ACR: variants seen among roughly 807,000 people sequenced by gnomAD.
ACR encodes the protein acrosin.
Under a neutral mutation model 26.0 loss-of-function variants are expected in ACR, and 17 were observed. The ratio of observed to expected loss-of-function variants is 0.65; its 90% CI spans 0.45 to 0.98. ACR has a LOEUF of 0.98. Ranked by LOEUF, ACR falls within the 50% of genes least tolerant of loss-of-function variation. The pLI is 0.00. For synonymous variants in ACR, 199 were observed against 207.7 expected, an observed-to-expected ratio of 0.96 and a Z score of 0.36; for missense variants, 435 against 519.3, an observed-to-expected ratio of 0.84 and a Z score of 1.58.
Position 50,739,564 on chromosome 22 carries a change from G to C in ACR, c.281+90G>C, listed in dbSNP as rs975609850. 1.1e-5 allele frequency: 17 copies of C among 1,579,984 alleles called. No homozygotes were observed. Among genetic ancestry groups the C allele is most frequent in the Non-Finnish European group, 1.5e-5 (17 of 1,157,436 alleles). ...GGGGATGCTGTGCAGCGTCTCCCTG[G>C]GGCTCTGGGCCAAGTGGCTGCAAGA... is the stretch of plus-strand genomic sequence containing the variant. On this transcript the variant is annotated intron_variant, in intron 2 of 4. Coordinates refer to ENST00000216139, the MANE Select transcript of ACR (RefSeq NM_001097.3). This position sits in a 1 kb window ranked among gnomAD's most constrained non-coding sequence, Gnocchi z 5.5.
chr22:50,743,134 C>G (rs2083433132), intron 3 of ACR, among the ~76,000 whole-genome samples: 1 of 150,968 alleles, frequency 6.6e-6, no homozygotes, highest in Non-Finnish European at 1.5e-5. Flanking sequence ...CTCCCGGGTT[C>G]ACGCCATTCT....
rs772863293 is a variant in ACR at position 50,744,730 on chromosome 22, G to A, written c.789G>A (p.Gly263=). The change falls in exon 5 of 5, where the codon GGG becomes GGA. Residue 263 remains glycine (G), a synonymous_variant. Transcript: ENST00000216139. ...AYVVVGITSW[G]VGCARAKRPG... ...TGGTCGTGGGAATCACAAGCTGGGG[G>A]GTAGGCTGTGCCCGTGCCAAGCGCC... The A allele has an allele frequency of 3.4e-5, 55 of 1,613,220 alleles. No homozygotes were observed. Among genetic ancestry groups the A allele is most frequent in the Middle Eastern group, 3.3e-4 (2 of 6,076 alleles).
intron 3 of ACR, among the ~76,000 whole-genome samples, chr22:50,741,599 A>T (rs1227331759): frequency 1.3e-5 from 2 of 151,830 alleles, no homozygotes; most frequent in African/African-American, 4.8e-5. Flanking sequence ...ACCTAATAGG[A>T]TCACTCTGTT....
rs1188568782 is a variant in ACR at position 50,739,939 on chromosome 22, G to A, written c.527G>A (p.Ser176Asn). 6.2e-7 allele frequency: 1 copy of A among 1,613,916 alleles called. No individual in the cohort carries two copies. Among genetic ancestry groups the A allele is most frequent in the Non-Finnish European group, 8.5e-7 (1 of 1,180,034 alleles). ...FKAGLPRGSQ[S>N]CWVAGWGYIE... ...GCAGGCCTCCCCAGAGGCTCCCAGA[G>A]CTGCTGGGTGGCCGGCTGGGGATAT... Residue 176 changes from serine to asparagine, a missense_variant, in exon 3 of 5, where the codon AGC (serine) becomes AAC (asparagine). Coordinates refer to ENST00000216139, the MANE Select transcript of ACR (RefSeq NM_001097.3). The surrounding 1 kb of genome is among the most constrained non-coding windows in gnomAD (Gnocchi z 5.5).
rs965107563 is a variant in ACR, at chr22:50,739,554, C to T, written c.281+80C>T. 2.3e-5 allele frequency: 37 copies of T among 1,586,390 alleles called. No homozygotes were observed. The South Asian group carries it at 2.9e-4, about 13-fold the overall frequency. Reference sequence around the variant, plus strand: ...GGCGTTCCCCGGGGATGCTGTGCAGCGTCTCCCTGGGGCTCTGGGCCAAGT... The same window carrying T: ...GGCGTTCCCCGGGGATGCTGTGCAGTGTCTCCCTGGGGCTCTGGGCCAAGT... On this transcript the variant is annotated intron_variant, in intron 2 of 4. Transcript: ENST00000216139. The surrounding 1 kb of genome is among the most constrained non-coding windows in gnomAD (Gnocchi z 5.5).
chr22:50,738,758 C>T (rs1017582047), intron 1 of ACR, among the ~76,000 whole-genome samples: 1 of 152,028 alleles, frequency 6.6e-6, no homozygotes, highest in Non-Finnish European at 1.5e-5. Flanking sequence ...TGACACAGTT[C>T]CCAGAGCCTC....
chr22:50,745,099 G>C lies in ACR; in HGVS notation c.1158G>C (p.Lys386Asn). ...TTCCCCAAGGACTTTCTTTTGCCAAGCGCCTACAGCAGCTCATAGAGGTCT... is the reference window on the plus strand; with the variant it reads ...TTCCCCAAGGACTTTCTTTTGCCAACCGCCTACAGCAGCTCATAGAGGTCT... ...TKLPQGLSFA[K>N]RLQQLIEVLK... The change falls in exon 5 of 5, where the codon AAG (lysine) becomes AAC (asparagine). Residue 386 changes from lysine (K) to asparagine (N), a missense_variant. By Grantham distance (94) the Lys-to-Asn change is moderately conservative. Transcript: ENST00000216139. 2 of 709,356 alleles carry C rather than the reference G, an allele frequency of 2.8e-6. No homozygotes were observed. Among genetic ancestry groups the C allele is most frequent in the Non-Finnish European group, 4.3e-6 (2 of 465,032 alleles). The allele number at this position is 709,356 out of a possible 1,614,324, so 43.9% of individuals were successfully genotyped here. A position where few individuals can be genotyped will look rare whatever the true frequency, so the allele number is the denominator to read the frequency against.
intron 3 of ACR, among the ~76,000 whole-genome samples, chr22:50,741,609 T>C (rs2083425025): frequency 6.6e-6 from 1 of 152,014 alleles, no homozygotes; most frequent in Non-Finnish European, 1.5e-5. Flanking sequence ...ATCACTCTGT[T>C]TCTGTTTGGG....
chr22:50,743,184 C>T (rs539010650), intron 3 of ACR, among the ~76,000 whole-genome samples: 90 of 149,762 alleles, frequency 6.0e-4, no homozygotes, highest in Middle Eastern at 3.4e-3. Flanking sequence ...TACAGGCGCC[C>T]GCCACCATGC....
intron 3 of ACR, chr22:50,743,397 G>T (rs2083435413): frequency 6.6e-6 from 1 of 152,574 alleles, no homozygotes; most frequent in African/African-American, 2.4e-5. Flanking sequence ...CCCCTGCCAG[G>T]TCTGCCCGTG....
At chr22:50,743,872 A>C (rs549620951) in intron 3 of ACR, among the ~76,000 whole-genome samples, 189 bp from the exon 4 acceptor site, 18 of 152,140 alleles carry the variant, frequency 1.2e-4, no homozygotes, top group African/African-American at 4.3e-4. Context: ...GATTTGGATA[A>C]CATTTCCCCA....
At chr22:50,740,335 C>T (rs2083419920) in intron 3 of ACR, 2 of 570,998 alleles carry the variant, frequency 3.5e-6, no homozygotes, top group South Asian at 2.0e-5. Context: ...GTTATGTGGC[C>T]GTATGACAGT....
Position 50,745,240 on chromosome 22 carries a change from CT to C in ACR, c.*35del. 1.0e-6 allele frequency: 1 copy of C among 953,020 alleles called. No homozygotes were observed. The highest frequency in any genetic ancestry group is 1.5e-6 in the Non-Finnish European group (1 of 671,618). 59.0% of individuals were successfully genotyped at this position (953,020 alleles called of 1,614,324 possible). On this transcript the variant is annotated 3_prime_UTR_variant, in exon 5 of 5. Transcript: ENST00000216139. ...TGGTTCTCAACAGACCCAGTGAGCCCTTCACTCCTGAGAAAAAGGAAAGATG... is the reference window on the plus strand; with the variant it reads ...TGGTTCTCAACAGACCCAGTGAGCCCTCACTCCTGAGAAAAAGGAAAGATG...
At position 50,739,863 on chromosome 22, in the gene ACR, C is replaced by A. The variant is rs1275794475; in HGVS notation, c.451C>A (p.Pro151Thr). The change falls in exon 3 of 5, where the codon CCC becomes ACC. Residue 151 changes from proline (P) to threonine (T), a missense_variant. Pro to Thr is a conservative substitution (Grantham distance 38, BLOSUM62 -1). Coordinates refer to ENST00000216139, the MANE Select transcript of ACR (RefSeq NM_001097.3). The surrounding 1 kb of genome is among the most constrained non-coding windows in gnomAD (Gnocchi z 5.5). ...CATTGCCCTCGTGGAGATCACCCCT[C>A]CCATTTCGTGTGGGCGCTTCATTGG... ...NDIALVEITP[P>T]ISCGRFIGPG... The A allele has an allele frequency of 6.2e-7, 1 of 1,612,334 alleles. No homozygotes were observed. The highest frequency in any genetic ancestry group is 1.7e-5 in the Admixed American group (1 of 59,862).
At chr22:50,742,765 T>C (rs1371432743) in intron 3 of ACR, among the ~76,000 whole-genome samples, 2 of 152,196 alleles carry the variant, frequency 1.3e-5, no homozygotes, top group African/African-American at 2.4e-5. Flanking sequence ...CCGAGCCCTA[T>C]GCACGTCACT....
chr22:50,740,154 TG>T, intron 3 of ACR, 177 bp downstream of exon 3: 1 of 814,600 alleles, frequency 1.2e-6, no homozygotes, highest in African/African-American at 1.7e-5. Context: ...ACGTGATGGG[TG>T]ACTCGTCTGG....
Position 50,744,997 on chromosome 22 carries a change from C to A in ACR, c.1056C>A (p.Pro352=). The change falls in exon 5 of 5, where the codon CCC becomes CCA. Residue 352 remains proline, a synonymous_variant. Coordinates refer to ENST00000216139, the MANE Select transcript of ACR (RefSeq NM_001097.3). ...AQPRPPPSPP[P]PPPPPASPLP... is the part of the protein sequence containing the mutation. ...CCCGACCCCCACCTTCACCCCCGCC[C>A]CCACCCCCACCTCCAGCCTCACCTT... 1 of 780,706 alleles carries A rather than the reference C, an allele frequency of 1.3e-6. No homozygotes were observed. The highest frequency in any genetic ancestry group is 3.3e-5 in the East Asian group (1 of 30,072). 48.4% of individuals were successfully genotyped at this position (780,706 alleles called of 1,614,324 possible). A position where few individuals can be genotyped will look rare whatever the true frequency, so the allele number is the denominator to read the frequency against.
At chr22:50,738,649 G>A (rs999175702) in intron 1 of ACR, among the ~76,000 whole-genome samples, 1 of 143,742 alleles carries the variant, frequency 7.0e-6, no homozygotes, top group Admixed American at 7.1e-5. Flanking sequence ...GGATATCATC[G>A]CTTCACACCG....
At chr22:50,738,967 C>G (rs905395827) in intron 1 of ACR, among the ~76,000 whole-genome samples, 4 of 152,190 alleles carry the variant, frequency 2.6e-5, no homozygotes, top group African/African-American at 9.7e-5. Flanking sequence ...ATCCCCACCT[C>G]TACCCTCCTG....
Sources: allele counts gnomAD v4.1 joint callset (sites outside exome capture counted in the v4.1 genomes callset), GRCh38; gene constraint gnomAD v4.1.1; non-coding constraint Gnocchi (gnomAD v3.1); transcripts MANE v1.5; gene names NCBI Gene and HGNC (gene_info 2026-07-23, HGNC 2026-07-21).